The following KCNT2 variants were observed in gnomAD, a reference collection of about 807,000 sequenced individuals.
The protein encoded by KCNT2 is potassium channel subfamily T member 2.
In KCNT2, 67 loss-of-function variants were observed where a neutral mutation model predicts 153.8. That is an observed-to-expected ratio of 0.44 (90% CI 0.36 to 0.53). KCNT2 has a LOEUF of 0.53. KCNT2 is among the 20% of genes least tolerant of loss of function. The probability of loss-of-function intolerance (pLI) is 0.00; values close to 1 mark genes in which losing one functional copy is unlikely to be tolerated. For missense variants in KCNT2, 975 were observed against 1,354.8 expected (o/e 0.72, Z 4.40); for synonymous variants, 500 against 458.8 (o/e 1.09, Z -1.15).
In KCNT2 at chr1:196,248,606, C is replaced by CA. The variant is rs548547863; in HGVS notation, c.3211+9587dup. On this transcript the variant is annotated intron_variant, in intron 26 of 27. Transcript: ENST00000294725. The stretch of plus-strand genomic sequence containing the variant: ...ACCAAGATTGAAACATGAAGAAATC[C>CA]AAAACCTAAACAGACCAATAACAAA... Among the ~76,000 whole-genome samples, 170 of 152,078 alleles carry CA rather than the reference C, an allele frequency of 1.1e-3. 1 individual carries two copies. The highest frequency in any genetic ancestry group is 3.9e-3 in the African/African-American group (163 of 41,490).
intron 5 of KCNT2, among the ~76,000 whole-genome samples, chr1:196,472,339 A>T (rs1276897108): frequency 6.6e-6 from 1 of 152,182 alleles, no homozygotes; most frequent in East Asian, 1.9e-4. Flanking sequence ...CTTTATACTT[A>T]AAGTAATCAT....
intron 16 of KCNT2, among the ~76,000 whole-genome samples, chr1:196,336,824 TTA>T (rs1169823767): frequency 1.3e-5 from 2 of 152,206 alleles, no homozygotes; most frequent in Non-Finnish European, 2.9e-5. Context: ...CTTAATGCAC[TTA>T]GCTCACTTGG....
intron 19 of KCNT2, among the ~76,000 whole-genome samples, chr1:196,321,908 T>C (rs1333438323): frequency 6.6e-6 from 1 of 152,000 alleles, no homozygotes; most frequent in African/African-American, 2.4e-5. Context: ...TGTTTAGTAA[T>C]TGAGTAACAT....
At chr1:196,599,111 G>C (rs1292365724) in intron 1 of KCNT2, among the ~76,000 whole-genome samples, 1 of 152,202 alleles carries the variant, frequency 6.6e-6, no homozygotes, top group African/African-American at 2.4e-5. Context: ...AACCTGTGCA[G>C]CTTGCTGATC....
At chr1:196,518,122 A>C (rs2148815975) in intron 1 of KCNT2, among the ~76,000 whole-genome samples, 1 of 152,306 alleles carries the variant, frequency 6.6e-6, no homozygotes, top group Non-Finnish European at 1.5e-5. Context: ...ACATTCTTAA[A>C]GAAATAAAAA....
At chr1:196,564,730 C>T (rs1659873015) in intron 1 of KCNT2, among the ~76,000 whole-genome samples, 1 of 151,772 alleles carries the variant, frequency 6.6e-6, no homozygotes, top group South Asian at 2.1e-4. Context: ...GCAAAGAAGA[C>T]AAGGACACAC....
intron 26 of KCNT2, among the ~76,000 whole-genome samples, chr1:196,238,723 C>G (rs569418184): frequency 1.9e-4 from 29 of 151,930 alleles, no homozygotes; most frequent in African/African-American, 6.5e-4. Flanking sequence ...GGAGAAATAC[C>G]TAATGTAAAT....
chr1:196,259,762 T>C (rs1488220295), intron 25 of KCNT2: 1 of 152,002 alleles, frequency 6.6e-6, no homozygotes, highest in Non-Finnish European at 1.5e-5. Flanking sequence ...AAAACAGTAC[T>C]ATATCAGAGG....
chr1:196,478,052 C>A (rs985721842), intron 5 of KCNT2, among the ~76,000 whole-genome samples: 2 of 152,200 alleles, frequency 1.3e-5, no homozygotes, highest in African/African-American at 2.4e-5. Flanking sequence ...AATATGACTT[C>A]TTTCTTGGTA....
At chr1:196,357,009 T>C (rs1198057741) in intron 14 of KCNT2, among the ~76,000 whole-genome samples, 1 of 151,954 alleles carries the variant, frequency 6.6e-6, no homozygotes, top group East Asian at 1.9e-4. Context: ...TTTCACTAAC[T>C]ATAGACAGAG....
chr1:196,309,111 T>C (rs1661916294), intron 21 of KCNT2, among the ~76,000 whole-genome samples: 1 of 151,936 alleles, frequency 6.6e-6, no homozygotes, highest in South Asian at 2.1e-4. Context: ...TTAAGTAGCA[T>C]TAAGACACTA....
intron 9 of KCNT2, among the ~76,000 whole-genome samples, chr1:196,429,355 C>T (rs1341506190): frequency 6.6e-6 from 1 of 151,762 alleles, no homozygotes; most frequent in Non-Finnish European, 1.5e-5. Flanking sequence ...AAGATGAGTG[C>T]TGTCAGTCAT....
In KCNT2 at chr1:196,428,286, AC is replaced by A; in HGVS notation, c.820-18del. On this transcript the variant is annotated intron_variant, in intron 9 of 27. Coordinates refer to ENST00000294725, the MANE Select transcript of KCNT2 (RefSeq NM_198503.5). ...CTGTTCAAACTGTAATATATTTTCC[AC>A]ATGTGAATGAAAAACACAGTAAGGA... The A allele has an allele frequency of 2.5e-6, 4 of 1,593,432 alleles. No homozygotes were observed. The highest frequency in any genetic ancestry group is 3.4e-6 in the Non-Finnish European group (4 of 1,163,402).
chr1:196,350,813 C>G (rs1373644867), intron 14 of KCNT2, among the ~76,000 whole-genome samples: 2 of 152,228 alleles, frequency 1.3e-5, no homozygotes, highest in Admixed American at 1.3e-4. Context: ...CCTAGGTTTT[C>G]TTCTAGGGTT....
At chr1:196,462,137 CA>C (rs1677207345) in intron 8 of KCNT2, among the ~76,000 whole-genome samples, 1 of 151,294 alleles carries the variant, frequency 6.6e-6, no homozygotes, top group African/African-American at 2.4e-5. Flanking sequence ...CTCAATAGTC[CA>C]AAAAATAGTT....
intron 1 of KCNT2, among the ~76,000 whole-genome samples, chr1:196,544,587 G>A (rs969851955): frequency 2.9e-4 from 44 of 152,208 alleles, no homozygotes; most frequent in Admixed American, 9.8e-4. Flanking sequence ...CATTTAGAAG[G>A]ATGAAAGGGC....
intron 1 of KCNT2, among the ~76,000 whole-genome samples, chr1:196,565,730 AT>A (rs953303402): frequency 6.6e-6 from 1 of 151,746 alleles, no homozygotes; most frequent in Non-Finnish European, 1.5e-5. Context: ...AAAGACAAAT[AT>A]TGCATGATCT....
chr1:196,593,311 T>TATATATACAC (rs1256165838), intron 1 of KCNT2, among the ~76,000 whole-genome samples: 6 of 140,208 alleles, frequency 4.3e-5, no homozygotes, highest in African/African-American at 8.4e-5. Flanking sequence ...TATATATATA[T>TATATATACAC]ACACACACAC....
intron 1 of KCNT2, among the ~76,000 whole-genome samples, chr1:196,574,122 T>G (rs1196765378): frequency 6.6e-6 from 1 of 151,994 alleles, no homozygotes; most frequent in Non-Finnish European, 1.5e-5. Context: ...GAATCAATTA[T>G]TAATAATATT....
Sources: allele counts gnomAD v4.1 joint callset (sites outside exome capture counted in the v4.1 genomes callset), GRCh38; gene constraint gnomAD v4.1.1; transcripts MANE v1.5; gene names NCBI Gene and HGNC (gene_info 2026-07-23, HGNC 2026-07-21).